CEBPZ: variants seen among roughly 807,000 people sequenced by gnomAD.
CEBPZ encodes CCAAT/enhancer-binding protein zeta.
CEBPZ carries 78 observed loss-of-function variants against 104.5 expected under a neutral mutation model. That is an observed-to-expected ratio of 0.75 (90% CI 0.62 to 0.90). The LOEUF (loss-of-function observed/expected upper bound fraction) is 0.90. Among genes scored for constraint, CEBPZ ranks in the 40% least tolerant of loss-of-function variants. The probability of loss-of-function intolerance (pLI) is 0.00; values close to 1 mark genes in which losing one functional copy is unlikely to be tolerated. For missense variants in CEBPZ, 1,439 were observed against 1,233.5 expected (o/e 1.17, Z -2.50); for synonymous variants, 470 against 427.0 (o/e 1.10, Z -1.24).
At chr2:37,205,562 C>T (rs528598882) in intron 13 of CEBPZ, among the ~76,000 whole-genome samples, 1 of 152,360 alleles carries the variant, frequency 6.6e-6, no homozygotes, top group South Asian at 2.1e-4. Flanking sequence ...AGCCCGCCTG[C>T]ACCCAGGTGA....
At chr2:37,217,546 TAC>T (rs1170730645) in intron 5 of CEBPZ, among the ~76,000 whole-genome samples, 2 of 152,198 alleles carry the variant, frequency 1.3e-5, no homozygotes, top group African/African-American at 4.8e-5. Context: ...GGTTTATATC[TAC>T]AGACACCTAT....
Position 37,229,049 on chromosome 2 carries a change from C to A in CEBPZ, c.157-13G>T. ...TAAGGTAATCTTGCTGCATTAAAAA[C>A]ATAAGTTAAAAATACATTACAAATG... On this transcript the variant is annotated splice_polypyrimidine_tract_variant and intron_variant, in intron 1 of 15. Transcript: ENST00000234170. 6.7e-7 allele frequency: 1 copy of A among 1,483,254 alleles called. No individual in the cohort carries two copies. The highest frequency in any genetic ancestry group is 8.9e-7 in the Non-Finnish European group (1 of 1,117,652). 91.9% of individuals were successfully genotyped at this position (1,483,254 alleles called of 1,614,324 possible). A position where few individuals can be genotyped will look rare whatever the true frequency, so the allele number is the denominator to read the frequency against.
At chr2:37,218,008 C>T (rs1033290438) in intron 5 of CEBPZ, among the ~76,000 whole-genome samples, 18 of 151,844 alleles carry the variant, frequency 1.2e-4, no homozygotes, top group Non-Finnish European at 1.8e-4. Flanking sequence ...TGGCTCATGC[C>T]TGTAATCCCA....
At position 37,216,167 on chromosome 2, in the gene CEBPZ, A is replaced by C. The variant is rs1677861738; in HGVS notation, c.2353T>G (p.Phe785Val). 1.2e-6 allele frequency: 2 copies of C among 1,613,024 alleles called. No homozygotes were observed. The highest frequency in any genetic ancestry group is 1.7e-6 in the Non-Finnish European group (2 of 1,179,556). The stretch of plus-strand genomic sequence containing the variant: ...GGAAGATGACGAATATCCTTAATAA[A>C]ATGTTTTCTTTTCGGCTGCATCACA... ...SVVMQPKRKHFIKDIRHLPVN... is the reference protein window; with the variant it reads ...SVVMQPKRKHVIKDIRHLPVN... The change falls in exon 8 of 16, where the codon TTT becomes GTT. Residue 785 changes from phenylalanine (F) to valine (V), a missense_variant. Phe to Val is a conservative substitution (Grantham distance 50). Transcript: ENST00000234170.
intron 5 of CEBPZ, among the ~76,000 whole-genome samples, chr2:37,217,391 A>T (rs1047119952): frequency 7.2e-5 from 11 of 152,092 alleles, no homozygotes; most frequent in African/African-American, 2.4e-4. Flanking sequence ...ACAGAGTGAG[A>T]CCCTATTTCA....
chr2:37,220,773 T>G (rs146340796), intron 4 of CEBPZ, among the ~76,000 whole-genome samples: 1 of 152,134 alleles, frequency 6.6e-6, no homozygotes, highest in African/African-American at 2.4e-5. Context: ...AGTGGATCAT[T>G]TGAGTTCAGG....
chr2:37,214,271 AT>A (rs1348489843), intron 9 of CEBPZ, among the ~76,000 whole-genome samples: 2 of 152,136 alleles, frequency 1.3e-5, no homozygotes, highest in East Asian at 1.9e-4. Flanking sequence ...ATTCTAAATG[AT>A]TTTAAAAAAC....
intron 1 of CEBPZ, 59 bp downstream of exon 1, chr2:37,231,353 C>T: frequency 6.2e-7 from 1 of 1,605,544 alleles, no homozygotes; most frequent in Non-Finnish European, 8.5e-7. Context: ...GGCAGTCAGC[C>T]TAGCCACCTT....
At chr2:37,216,484 A>G (rs917645989) in intron 6 of CEBPZ, 66 bp from the exon 7 acceptor site, 14 of 1,138,838 alleles carry the variant, frequency 1.2e-5, no homozygotes, top group African/African-American at 1.6e-5. Flanking sequence ...AGTAAGAAAA[A>G]GGAAGAAAAA....
At chr2:37,229,931 G>T (rs553353627) in intron 1 of CEBPZ, among the ~76,000 whole-genome samples, 34 of 152,154 alleles carry the variant, frequency 2.2e-4, no homozygotes, top group African/African-American at 7.7e-4. Flanking sequence ...TGGACTCAAG[G>T]TATCCTCCCA....
intron 10 of CEBPZ, among the ~76,000 whole-genome samples, chr2:37,212,875 AAAAC>A (rs1306717479): frequency 1.3e-5 from 2 of 150,670 alleles, no homozygotes; most frequent in Non-Finnish European, 3.0e-5. Flanking sequence ...AACAAAAAAA[AAAAC>A]AAAAAAAAAA....
intron 2 of CEBPZ, among the ~76,000 whole-genome samples, chr2:37,225,552 A>G (rs1473850908): frequency 7.7e-6 from 1 of 130,128 alleles, no homozygotes; most frequent in Non-Finnish European, 1.6e-5. Context: ...TGAAGGCAGC[A>G]TGCTCCTTAA....
In CEBPZ at chr2:37,228,926, T is replaced by C; in HGVS notation, c.267A>G (p.Gln89=). 2 of 1,611,648 alleles carry C rather than the reference T, an allele frequency of 1.2e-6. No homozygotes were observed. Among genetic ancestry groups the C allele is most frequent in the East Asian group, 2.2e-5 (1 of 44,780 alleles). The change falls in exon 2 of 16, where the codon CAA becomes CAG. Residue 89 remains glutamine, a synonymous_variant. Transcript: ENST00000234170. ...TTGTATACTTCGCCAAATTAAGATT[T>C]TGAATAAATGCTTCCAATTCACCTT... is the stretch of plus-strand genomic sequence containing the variant. ...LQQGELEAFI[Q]NLNLAKYTKA... is the part of the protein sequence containing the mutation.
chr2:37,220,475 T>C lies in CEBPZ; in HGVS notation c.2066-2A>G. On this transcript the variant is annotated splice_acceptor_variant, in intron 4 of 15. Coordinates refer to ENST00000234170, the MANE Select transcript of CEBPZ (RefSeq NM_005760.3). LOFTEE classifies it high-confidence loss of function. The stretch of plus-strand genomic sequence containing the variant: ...CGTATTTATTTAACTGTTTCCCACC[T>C]AGGAATAACAAAAAAAATACGATTT... The C allele has an allele frequency of 6.5e-7, 1 of 1,537,078 alleles. No individual in the cohort carries two copies.
intron 13 of CEBPZ, among the ~76,000 whole-genome samples, chr2:37,206,897 G>C (rs1677557537): frequency 1.3e-5 from 2 of 152,148 alleles, no homozygotes; most frequent in Non-Finnish European, 2.9e-5. Flanking sequence ...AATCTGCTGT[G>C]TTCAGGAGAC....
Position 37,216,159 on chromosome 2 carries a change from C to A in CEBPZ, c.2361G>T (p.Lys787Asn), listed in dbSNP as rs1402438788. Residue 787 changes from lysine to asparagine, a missense_variant, in exon 8 of 16, where the codon AAG becomes AAT. Physicochemically the swap from Lys to Asn is moderately conservative, Grantham distance 94. Coordinates refer to ENST00000234170, the MANE Select transcript of CEBPZ (RefSeq NM_005760.3). Reference sequence around the variant, plus strand: ...ACTTACCAGGAAGATGACGAATATCCTTAATAAAATGTTTTCTTTTCGGCT... The same window carrying A: ...ACTTACCAGGAAGATGACGAATATCATTAATAAAATGTTTTCTTTTCGGCT... ...VMQPKRKHFI[K>N]DIRHLPVNSK... The A allele has an allele frequency of 6.2e-7, 1 of 1,612,252 alleles. No homozygotes were observed. The highest frequency in any genetic ancestry group is 2.2e-5 in the East Asian group (1 of 44,792).
In CEBPZ at chr2:37,229,014, G is replaced by A. The variant is rs201907700; in HGVS notation, c.179C>T (p.Thr60Ile). Reference protein sequence around the residue: ...GTKQDYLMLATLDENEEVIDG... With the variant: ...GTKQDYLMLAILDENEEVIDG... ...TATCACTTCCTCATTCTCATCCAAA[G>A]TAGCCAGCATAAGGTAATCTTGCTG... The change falls in exon 2 of 16, where the codon ACT becomes ATT. Residue 60 changes from threonine (T) to isoleucine (I), a missense_variant. Transcript: ENST00000234170. 141 of 1,567,254 alleles carry A rather than the reference G, an allele frequency of 9.0e-5. No individual in the cohort carries two copies. Among genetic ancestry groups the A allele is most frequent in the Non-Finnish European group, 1.2e-4 (136 of 1,162,038 alleles).
chr2:37,223,180 T>C lies in CEBPZ; in HGVS notation c.1871A>G (p.Asp624Gly), dbSNP rs1247204168. ...KAKPGLRSQL[D>G]DHPESDDEEN... ...AGTTGTAAAATATACCGGATGATCATCTAGTTGGCTTCTTAAACCTGGTTT... is the reference window on the plus strand; with the variant it reads ...AGTTGTAAAATATACCGGATGATCACCTAGTTGGCTTCTTAAACCTGGTTT... Residue 624 changes from aspartate to glycine, a missense_variant, in exon 3 of 16, where the codon GAT (aspartate) becomes GGT (glycine). By Grantham distance (94) the Asp-to-Gly change is moderately conservative. Coordinates refer to ENST00000234170, the MANE Select transcript of CEBPZ (RefSeq NM_005760.3). The C allele has an allele frequency of 2.5e-6, 4 of 1,612,396 alleles. No individual in the cohort carries two copies. Among genetic ancestry groups the C allele is most frequent in the Non-Finnish European group, 3.4e-6 (4 of 1,178,660 alleles).
intron 5 of CEBPZ, 113 bp from the exon 6 acceptor site, chr2:37,217,150 C>T: frequency 1.2e-6 from 1 of 819,012 alleles, no homozygotes; most frequent in Admixed American, 2.2e-5. Flanking sequence ...GTAATTCCAG[C>T]ACTTTGGGAG....
Sources: gnomAD v4.1 joint callset for allele counts (sites outside exome capture counted in the v4.1 genomes callset) on GRCh38, gnomAD v4.1.1 for gene constraint, MANE v1.5 for transcripts, NCBI Gene and HGNC (gene_info 2026-07-23, HGNC 2026-07-21) for gene names.